SCN1A: variants seen among roughly 807,000 people sequenced by gnomAD.
SCN1A encodes the protein sodium channel protein type 1 subunit alpha.
In SCN1A, 13 loss-of-function variants were observed where a neutral mutation model predicts 193.7. The ratio of observed to expected loss-of-function variants is 0.07; its 90% CI spans 0.04 to 0.11. The LOEUF is 0.11. SCN1A is among the 10% of genes least tolerant of loss of function. The probability of loss-of-function intolerance (pLI) is 1.00; values close to 1 mark genes in which losing one functional copy is unlikely to be tolerated. For synonymous variants in SCN1A, 781 were observed against 843.6 expected (o/e 0.93, Z 1.29); for missense variants, 1,432 against 2,451.1 (o/e 0.58, Z 8.78).
At chr2:166,109,037 A>C (rs1689009827) in intron 2 of SCN1A, among the ~76,000 whole-genome samples, 1 of 152,196 alleles carries the variant, frequency 6.6e-6, no homozygotes. Context: ...TCTCTTCTAT[A>C]GGATTTCAAG....
At chr2:166,084,857 C>G (rs1685933669) in intron 2 of SCN1A, among the ~76,000 whole-genome samples, 1 of 152,100 alleles carries the variant, frequency 6.6e-6, no homozygotes, top group Admixed American at 6.6e-5. Flanking sequence ...AAGTGGCCAA[C>G]CTGGAAATTT....
At chr2:166,089,894 T>A (rs1686587325) in intron 2 of SCN1A, among the ~76,000 whole-genome samples, 1 of 151,974 alleles carries the variant, frequency 6.6e-6, no homozygotes, top group African/African-American at 2.4e-5. Context: ...AGTATTGATG[T>A]AAGATTATCC....
At chr2:166,002,784 A>G in intron 23 of SCN1A, 31 bp from the exon 24 acceptor site, 1 of 1,587,926 alleles carries the variant, frequency 6.3e-7, no homozygotes, top group Non-Finnish European at 8.6e-7. Context: ...AAGAAAAGTC[A>G]GAATTCTTAT....
intron 21 of SCN1A, among the ~76,000 whole-genome samples, chr2:166,012,738 C>A (rs1184174586): frequency 1.4e-5 from 2 of 146,202 alleles, no homozygotes; most frequent in African/African-American, 5.0e-5. Flanking sequence ...TAGTTGGGTT[C>A]ATCTGCTTCT....
intron 6 of SCN1A, among the ~76,000 whole-genome samples, chr2:166,055,098 T>A (rs1698993942): frequency 6.6e-6 from 1 of 151,920 alleles, no homozygotes; most frequent in Admixed American, 6.6e-5. Context: ...CAATCAATAA[T>A]ATTGCAGAAG....
upstream of SCN1A, among the ~76,000 whole-genome samples, chr2:166,128,222 C>G (rs923480779): frequency 6.6e-6 from 1 of 151,988 alleles, no homozygotes; most frequent in South Asian, 2.1e-4. Flanking sequence ...CTCCTTGCTT[C>G]TCTTTCATTC....
intron 2 of SCN1A, among the ~76,000 whole-genome samples, chr2:166,097,124 C>T (rs1471068234): frequency 9.9e-5 from 15 of 151,722 alleles, no homozygotes; most frequent in Admixed American, 9.2e-4. Context: ...CAGGTTCAAG[C>T]AATTCTCCTG....
chr2:166,089,944 C>CCTCCTTTATTTTATCA (rs1207303413), intron 2 of SCN1A, among the ~76,000 whole-genome samples: 2 of 151,500 alleles, frequency 1.3e-5, no homozygotes, highest in Middle Eastern at 3.5e-3. Flanking sequence ...ATTAAGGACT[C>CCTCCTTTATTTTATCA]CTCCTTTATT....
chr2:166,102,529 A>T (rs146163413), intron 2 of SCN1A, among the ~76,000 whole-genome samples: 1 of 148,260 alleles, frequency 6.7e-6, no homozygotes, highest in East Asian at 2.0e-4. Context: ...AAAAAGAAAA[A>T]AAAAAAGTCA....
chr2:166,078,510 T>C (rs531729061), intron 2 of SCN1A, among the ~76,000 whole-genome samples: 156 of 151,696 alleles, frequency 1.0e-3, no homozygotes, highest in African/African-American at 3.1e-3. Flanking sequence ...AAACTCTATA[T>C]TTTTGGCTTA....
At chr2:166,008,433 T>C (rs892740970) in intron 23 of SCN1A, among the ~76,000 whole-genome samples, 3 of 151,148 alleles carry the variant, frequency 2.0e-5, no homozygotes, top group South Asian at 2.1e-4. Context: ...ACATTTTTTT[T>C]CTCCAGAACT....
chr2:166,121,382 AT>A (rs34955939), intron 2 of SCN1A, among the ~76,000 whole-genome samples: 11 of 151,722 alleles, frequency 7.3e-5, no homozygotes, highest in African/African-American at 1.9e-4. Context: ...TAATACTTTA[AT>A]TTTTTTTTAC....
intron 3 of SCN1A, among the ~76,000 whole-genome samples, chr2:166,074,906 A>C (rs1684841418): frequency 6.6e-6 from 1 of 152,188 alleles, no homozygotes. Context: ...TGGATGATCA[A>C]AAGAAGGGAG....
intron 2 of SCN1A, among the ~76,000 whole-genome samples, chr2:166,089,721 G>A (rs1359653969): frequency 6.6e-6 from 1 of 152,090 alleles, no homozygotes; most frequent in Non-Finnish European, 1.5e-5. Flanking sequence ...GGTAGAGAGT[G>A]TAAGGTGGTA....
At chr2:166,058,421 T>C (rs771806320) in intron 5 of SCN1A, 149 bp downstream of exon 5, 54 of 526,034 alleles carry the variant, frequency 1.0e-4, no homozygotes, top group Middle Eastern at 5.2e-4. Flanking sequence ...TAATGAACTT[T>C]AAGAATGAGG....
In SCN1A at chr2:166,041,411, G is replaced by A. The variant is rs756995393; in HGVS notation, c.2235C>T (p.Phe745=). Residue 745 remains phenylalanine, a synonymous_variant, in exon 16 of 29, where the codon TTC becomes TTT. Transcript: ENST00000674923. ...AATATGGAGAACAGTCCCAGATTAA[G>A]AATATGTTGGAAAATTTATACCAAC... is the stretch of plus-strand genomic sequence containing the variant. The part of the protein sequence containing the change: ...PPCWYKFSNI[F]LIWDCSPYWL... 6.2e-7 allele frequency: 1 copy of A among 1,609,078 alleles called. No homozygotes were observed. The highest frequency in any genetic ancestry group is 1.1e-5 in the South Asian group (1 of 90,894).
intron 4 of SCN1A, among the ~76,000 whole-genome samples, chr2:166,070,946 G>C (rs1007346504): frequency 1.3e-5 from 2 of 152,166 alleles, no homozygotes; most frequent in African/African-American, 4.8e-5. Flanking sequence ...ATGCTGGGTG[G>C]CTTTAATAAT....
intron 21 of SCN1A, 130 bp from the exon 22 acceptor site, chr2:166,012,412 C>CT (rs576265429): frequency 0.021 from 11,088 of 529,884 alleles, no homozygotes; most frequent in South Asian, 0.026. Context: ...GTTACTGTTA[C>CT]TTTTTTTTTT....
intron 2 of SCN1A, among the ~76,000 whole-genome samples, chr2:166,100,148 C>T (rs1410547694): frequency 2.2e-5 from 3 of 139,100 alleles, no homozygotes; most frequent in East Asian, 2.1e-4. Context: ...CAGCATGGTA[C>T]TGGTACCAAA....
Sources: gnomAD v4.1 joint callset for allele counts (sites outside exome capture counted in the v4.1 genomes callset) on GRCh38, gnomAD v4.1.1 for gene constraint, MANE v1.5 for transcripts, NCBI Gene and HGNC (gene_info 2026-07-23, HGNC 2026-07-21) for gene names.